The following NRXN3 variants were observed in gnomAD, a reference collection of about 807,000 sequenced individuals.
NRXN3 encodes neurexin 3, also known as neurexin III.
In NRXN3, 32 loss-of-function variants were observed where a neutral mutation model predicts 137.6. The ratio of observed to expected loss-of-function variants is 0.23; its 90% CI spans 0.18 to 0.31. The LOEUF is 0.31. Among genes scored for constraint, NRXN3 ranks in the 10% least tolerant of loss-of-function variants. NRXN3 has a pLI of 1.00. For synonymous variants in NRXN3, 798 were observed against 784.5 expected (o/e 1.02, Z -0.29); for missense variants, 1,574 against 2,062.5 (o/e 0.76, Z 4.59).
chr14:79,715,959 A>G (rs1327543583), intron 19 of NRXN3, among the ~76,000 whole-genome samples: 2 of 152,216 alleles, frequency 1.3e-5, no homozygotes, highest in African/African-American at 4.8e-5. Flanking sequence ...ATTGATGCTA[A>G]AGTCTGGAAG....
rs78830203 is a variant in NRXN3 at position 79,188,686 on chromosome 14, G to C, written c.3262+200545G>C. On this transcript the variant is annotated intron_variant, in intron 15 of 20. Transcript: ENST00000335750. ...CTTTGTAAGTGTCTAGGCATAATGT[G>C]ATTGCTTTGGAAATTCTCCATTTTT... Among the ~76,000 whole-genome samples the C allele has an allele frequency of 1.7e-3, 261 of 152,296 alleles. 2 individuals are homozygous for C. The highest frequency in any genetic ancestry group is 5.9e-3 in the African/African-American group (247 of 41,566).
At chr14:79,802,114 A>G (rs920710568) in intron 19 of NRXN3, among the ~76,000 whole-genome samples, 3 of 151,674 alleles carry the variant, frequency 2.0e-5, no homozygotes, top group Non-Finnish European at 4.4e-5. Context: ...TGAGTTAAAG[A>G]TTCAACTAAT....
At chr14:79,499,783 A>G (rs2096801435) in intron 16 of NRXN3, among the ~76,000 whole-genome samples, 1 of 152,162 alleles carries the variant, frequency 6.6e-6, no homozygotes, top group Non-Finnish European at 1.5e-5. Flanking sequence ...GGACTAGAAT[A>G]CCGAAAGAAA....
intron 19 of NRXN3, among the ~76,000 whole-genome samples, chr14:79,773,471 C>T (rs1380084569): frequency 6.6e-6 from 1 of 151,986 alleles, no homozygotes; most frequent in Non-Finnish European, 1.5e-5. Context: ...AGTTCATGTC[C>T]TTTGTAGGCA....
At chr14:78,675,642 C>T (rs1016755671) in intron 6 of NRXN3, among the ~76,000 whole-genome samples, 3 of 152,274 alleles carry the variant, frequency 2.0e-5, no homozygotes, top group Middle Eastern at 6.8e-3. Flanking sequence ...ATTATGCCAG[C>T]TCAGACAGAT....
At chr14:79,808,240 T>TAAA (rs35474581) in intron 20 of NRXN3, among the ~76,000 whole-genome samples, 46 of 124,198 alleles carry the variant, frequency 3.7e-4, no homozygotes, top group East Asian at 2.0e-3. Context: ...CTCTCTCAAT[T>TAAA]AAAAAAAAAA....
At chr14:78,215,916 C>A (rs1381707922) in intron 1 of NRXN3, among the ~76,000 whole-genome samples, 2 of 152,108 alleles carry the variant, frequency 1.3e-5, no homozygotes, top group Admixed American at 6.6e-5. Flanking sequence ...TGCCATAGCT[C>A]CAGATAATAA....
At chr14:79,816,602 T>G (rs1320475856) in intron 20 of NRXN3, among the ~76,000 whole-genome samples, 1 of 152,252 alleles carries the variant, frequency 6.6e-6, no homozygotes, top group Non-Finnish European at 1.5e-5. Flanking sequence ...GTTTTCATAT[T>G]CTGTCCCTTG....
intron 15 of NRXN3, among the ~76,000 whole-genome samples, chr14:79,400,539 A>C (rs2095163369): frequency 6.6e-6 from 1 of 152,124 alleles, no homozygotes; most frequent in African/African-American, 2.4e-5. Flanking sequence ...ATGCTAAACA[A>C]ATTAGTTCCA....
At chr14:79,172,714 A>G (rs1354115392) in intron 15 of NRXN3, among the ~76,000 whole-genome samples, 1 of 152,226 alleles carries the variant, frequency 6.6e-6, no homozygotes, top group Non-Finnish European at 1.5e-5. Flanking sequence ...TCTTTTTCTT[A>G]ATTTCCCAGT....
In NRXN3 at chr14:79,777,316, A is replaced by G. The variant is rs574916709; in HGVS notation, c.4015-27796A>G. ...ACATCTATAGATTCGGTGTCTTTCT[A>G]AAAAGGTTTGCTCCAAATCATAATA... On this transcript the variant is annotated intron_variant, in intron 19 of 20. Coordinates refer to ENST00000335750, the MANE Select transcript of NRXN3 (RefSeq NM_001330195.2). Among the ~76,000 whole-genome samples the G allele has an allele frequency of 2.6e-5, 4 of 152,320 alleles. No homozygotes were observed. In the East Asian group the frequency reaches 7.7e-4, roughly 29 times the overall value.
chr14:78,956,774 G>A (rs1309880321), intron 10 of NRXN3, among the ~76,000 whole-genome samples: 2 of 152,204 alleles, frequency 1.3e-5, no homozygotes, highest in Non-Finnish European at 2.9e-5. Context: ...CATATGTGTT[G>A]CAAAGTTCTT....
intron 4 of NRXN3, among the ~76,000 whole-genome samples, chr14:78,371,057 C>A (rs2086733658): frequency 6.6e-6 from 1 of 152,102 alleles, no homozygotes; most frequent in Admixed American, 6.5e-5. Flanking sequence ...CAGGGAAATA[C>A]TGGGTAGAAG....
chr14:78,275,922 G>A (rs993873960), intron 2 of NRXN3, among the ~76,000 whole-genome samples: 4 of 152,160 alleles, frequency 2.6e-5, no homozygotes, highest in South Asian at 4.1e-4. Context: ...CCCCTCCTTC[G>A]TCTACCTCTT....
intron 4 of NRXN3, among the ~76,000 whole-genome samples, chr14:78,466,338 G>T (rs1223370077): frequency 6.6e-6 from 1 of 152,218 alleles, no homozygotes; most frequent in African/African-American, 2.4e-5. Context: ...GTGTCTGAGT[G>T]TCTGTACAAA....
At chr14:78,339,663 T>C (rs965451927) in intron 4 of NRXN3, among the ~76,000 whole-genome samples, 4 of 152,138 alleles carry the variant, frequency 2.6e-5, no homozygotes, top group Non-Finnish European at 5.9e-5. Flanking sequence ...TCCCAGCTAA[T>C]CCCTCCTCTG....
At chr14:79,839,967 G>C (rs899030114) in intron 20 of NRXN3, among the ~76,000 whole-genome samples, 3 of 148,630 alleles carry the variant, frequency 2.0e-5, no homozygotes, top group Non-Finnish European at 4.5e-5. Context: ...ATTTCTGGAA[G>C]CATGTATGTA....
Position 78,260,274 on chromosome 14 carries a change from C to G in NRXN3, c.709+16472C>G, listed in dbSNP as rs544871937. Among the ~76,000 whole-genome samples the G allele has an allele frequency of 2.6e-5, 4 of 152,278 alleles. No individual in the cohort carries two copies. The South Asian group carries it at 8.3e-4, about 32-fold the overall frequency. On this transcript the variant is annotated intron_variant, in intron 2 of 20. Transcript: ENST00000335750. The stretch of plus-strand genomic sequence containing the variant: ...CTTCACATATGGCAGAGAAAAGACC[C>G]TGTGAAGTTCAGGAGTGTGATTAAG...
At chr14:79,500,339 T>TA (rs2096812633) in intron 16 of NRXN3, among the ~76,000 whole-genome samples, 1 of 151,562 alleles carries the variant, frequency 6.6e-6, no homozygotes, top group African/African-American at 2.4e-5. Flanking sequence ...GAGCCTCTGG[T>TA]AATCCCTGTT....
Sources: gnomAD v4.1 joint callset for allele counts (sites outside exome capture counted in the v4.1 genomes callset) on GRCh38, gnomAD v4.1.1 for gene constraint, MANE v1.5 for transcripts, NCBI Gene and HGNC (gene_info 2026-07-23, HGNC 2026-07-21) for gene names.